The following FOXP1 variants were observed in gnomAD, a reference collection of about 807,000 sequenced individuals.
FOXP1 encodes forkhead box protein P1.
In FOXP1, 15 loss-of-function variants were observed where a neutral mutation model predicts 98.2. That is an observed-to-expected ratio of 0.15 (90% CI 0.10 to 0.24). The LOEUF (loss-of-function observed/expected upper bound fraction) is 0.24. FOXP1 is among the 10% of genes least tolerant of loss of function. The pLI is 1.00. For synonymous variants in FOXP1, 371 were observed against 314.5 expected, an observed-to-expected ratio of 1.18 and a Z score of -1.90; for missense variants, 633 against 848.5, an observed-to-expected ratio of 0.75 and a Z score of 3.15.
intron 6 of FOXP1, among the ~76,000 whole-genome samples, chr3:71,148,696 T>A (rs1474805155): frequency 2.6e-5 from 4 of 152,196 alleles, no homozygotes; most frequent in African/African-American, 7.2e-5. Context: ...TATAGAACTG[T>A]CCTTAATTTA....
Position 70,970,558 on chromosome 3 carries a change from C to T in FOXP1, c.1722+178G>A, listed in dbSNP as rs2035993895. Reference sequence around the variant, plus strand: ...AATATTCAAAATGCTAAGCATCCCGCTAACGCTGAAGCAGCCCGATGTGTT... The same window carrying T: ...AATATTCAAAATGCTAAGCATCCCGTTAACGCTGAAGCAGCCCGATGTGTT... On this transcript the variant is annotated intron_variant, in intron 19 of 20. Transcript: ENST00000649528. The T allele has an allele frequency of 9.3e-6, 6 of 646,660 alleles. No individual in the cohort carries two copies. The Admixed American group carries it at 9.9e-5, about 11-fold the overall frequency. The allele number at this position is 646,660 out of a possible 1,614,324, so 40.1% of individuals were successfully genotyped here.
chr3:71,038,523 T>A (rs2106815817), intron 11 of FOXP1, among the ~76,000 whole-genome samples: 1 of 152,328 alleles, frequency 6.6e-6, no homozygotes, highest in South Asian at 2.1e-4. Context: ...AGTGAGACCA[T>A]ACCTTTATAG....
rs188644624 is a variant in FOXP1 at position 71,348,500 on chromosome 3, G to T, written c.-73+10650C>A. On this transcript the variant is annotated intron_variant, in intron 4 of 20. Transcript: ENST00000649528. ...AAACACCTCCCAGGTGCCAGTTGCT[G>T]TGTTCAGTGTGTGTGTGTGTGCGTG... is the stretch of plus-strand genomic sequence containing the variant. 6.9e-3 allele frequency among the ~76,000 whole-genome samples: 994 copies of T among 143,044 alleles called. 30 individuals carry two copies. Among genetic ancestry groups the T allele is most frequent in the Non-Finnish European group, 4.2e-3 (275 of 65,714 alleles). The allele number at this position is 143,044 out of a possible 152,430, so 93.8% of individuals were successfully genotyped here. A position where few individuals can be genotyped will look rare whatever the true frequency, so the allele number is the denominator to read the frequency against.
At chr3:71,481,161 G>T (rs1305879503) in intron 3 of FOXP1, among the ~76,000 whole-genome samples, 2 of 152,002 alleles carry the variant, frequency 1.3e-5, no homozygotes, top group African/African-American at 4.8e-5. Flanking sequence ...CAAACTTTGG[G>T]GCTAACAGCT....
chr3:71,549,876 A>C (rs998676080), intron 2 of FOXP1, among the ~76,000 whole-genome samples: 1 of 146,602 alleles, frequency 6.8e-6, no homozygotes, highest in African/African-American at 2.7e-5. Flanking sequence ...AAAAAAAAAA[A>C]AAAAAAAAAA....
At chr3:71,141,798 A>C (rs2060085216) in intron 6 of FOXP1, among the ~76,000 whole-genome samples, 1 of 152,080 alleles carries the variant, frequency 6.6e-6, no homozygotes, top group East Asian at 1.9e-4. Flanking sequence ...AAAAAGAAAA[A>C]CTTAACTTCT....
chr3:71,284,619 A>C (rs910984240), intron 5 of FOXP1, among the ~76,000 whole-genome samples: 1 of 152,180 alleles, frequency 6.6e-6, no homozygotes, highest in African/African-American at 2.4e-5. Flanking sequence ...TATTACAGGA[A>C]AACTGGACAT....
At chr3:70,970,530 C>T in intron 19 of FOXP1, 13 of 562,842 alleles carry the variant, frequency 2.3e-5, no homozygotes, top group South Asian at 1.1e-4. Context: ...ATTTTTTTGC[C>T]ACAATATTCA....
At chr3:71,484,349 A>G (rs573405082) in intron 3 of FOXP1, among the ~76,000 whole-genome samples, 102 of 152,286 alleles carry the variant, frequency 6.7e-4, no homozygotes, top group Non-Finnish European at 8.5e-4. Flanking sequence ...AAACTCTAAT[A>G]CTTATTTTTA....
intron 2 of FOXP1, among the ~76,000 whole-genome samples, chr3:71,514,714 G>A (rs1409315844): frequency 1.3e-5 from 2 of 152,304 alleles, no homozygotes; most frequent in Non-Finnish European, 2.9e-5. Context: ...TCTAAGCTCA[G>A]CAAATACCCA....
intron 6 of FOXP1, among the ~76,000 whole-genome samples, chr3:71,182,520 G>C (rs937006298): frequency 2.7e-5 from 4 of 148,310 alleles, no homozygotes; most frequent in African/African-American, 7.5e-5. Flanking sequence ...GTGTGTGTGT[G>C]TGTGTGTGTG....
intron 6 of FOXP1, chr3:71,130,634 G>T: frequency 6.3e-7 from 1 of 1,598,196 alleles, no homozygotes; most frequent in Non-Finnish European, 8.5e-7. Context: ...GAATAAACAG[G>T]AAGTACTGTG....
At chr3:71,180,595 T>C (rs1268563461) in intron 6 of FOXP1, among the ~76,000 whole-genome samples, 2 of 152,190 alleles carry the variant, frequency 1.3e-5, no homozygotes, top group Non-Finnish European at 2.9e-5. Flanking sequence ...TTTTCTCCCT[T>C]GCCTGTATTT....
chr3:71,005,106 T>C lies in FOXP1; in HGVS notation c.975-4047A>G, dbSNP rs948971999. On this transcript the variant is annotated intron_variant, in intron 12 of 20. Coordinates refer to ENST00000649528, the MANE Select transcript of FOXP1 (RefSeq NM_001349338.3). ...AACAACAGGCTACTATAAATATAGA[T>C]TGTTTGGTAGGATTGAATTTTTATT... Among the ~76,000 whole-genome samples, 8 of 151,756 alleles carry C rather than the reference T, an allele frequency of 5.3e-5. No homozygotes were observed. The South Asian group carries it at 1.2e-3, about 24-fold the overall frequency.
intron 5 of FOXP1, among the ~76,000 whole-genome samples, chr3:71,205,073 C>G (rs1342376259): frequency 6.6e-6 from 1 of 152,126 alleles, no homozygotes; most frequent in Non-Finnish European, 1.5e-5. Flanking sequence ...AGGGAATGAG[C>G]CGGAGGGCTA....
At chr3:70,995,102 A>C (rs1346550822) in intron 13 of FOXP1, among the ~76,000 whole-genome samples, 2 of 151,748 alleles carry the variant, frequency 1.3e-5, no homozygotes, top group Non-Finnish European at 2.9e-5. Flanking sequence ...TCCAACCACC[A>C]CTGCAACTTT....
intron 3 of FOXP1, among the ~76,000 whole-genome samples, chr3:71,411,309 G>GTC (rs1454917708): frequency 2.2e-5 from 3 of 133,538 alleles, no homozygotes; most frequent in African/African-American, 6.1e-5. Context: ...GTGTGTGTGT[G>GTC]TGTGTGTGTA....
chr3:71,105,676 CT>C (rs1173485610), intron 7 of FOXP1, among the ~76,000 whole-genome samples: 1 of 152,148 alleles, frequency 6.6e-6, no homozygotes, highest in African/African-American at 2.4e-5. Context: ...CGCATGGACG[CT>C]CATAAGAGCA....
chr3:71,283,341 G>A (rs1487738204), intron 5 of FOXP1, among the ~76,000 whole-genome samples: 1 of 152,026 alleles, frequency 6.6e-6, no homozygotes, highest in African/African-American at 2.4e-5. Context: ...CAAATGGCAG[G>A]TGCTCCCTCA....
Sources: gnomAD v4.1 joint callset for allele counts (sites outside exome capture counted in the v4.1 genomes callset) on GRCh38, gnomAD v4.1.1 for gene constraint, MANE v1.5 for transcripts, NCBI Gene and HGNC (gene_info 2026-07-23, HGNC 2026-07-21) for gene names.